Variants in MAK16 observed in about 807,000 individuals in gnomAD.
MAK16 encodes protein MAK16 homolog.
A neutral mutation model predicts 49.9 loss-of-function variants in MAK16; 12 were observed. That is an observed-to-expected ratio of 0.24 (90% CI 0.15 to 0.39). The LOEUF (loss-of-function observed/expected upper bound fraction) is 0.39. Ranked by LOEUF, MAK16 falls within the 10% of genes least tolerant of loss-of-function variation. The pLI is 1.00. For missense variants in MAK16, 292 were observed against 363.7 expected (o/e 0.80, Z 1.60); for synonymous variants, 115 against 126.4 (o/e 0.91, Z 0.60).
At chr8:33,496,590 T>C (rs756980431) in intron 7 of MAK16, 35 bp from the exon 8 acceptor site, 149 of 1,515,686 alleles carry the variant, frequency 9.8e-5, no homozygotes, top group Non-Finnish European at 1.3e-4. Context: ...AATATCCAAA[T>C]GTAGTTAAAG....
chr8:33,485,296 C>T lies in MAK16; in HGVS notation c.15+75C>T, dbSNP rs1453950020. 5 of 1,591,848 alleles carry T rather than the reference C, an allele frequency of 3.1e-6. No individual in the cohort carries two copies. In the East Asian group the frequency reaches 1.1e-4, roughly 36 times the overall value. Reference sequence around the variant, plus strand: ...TGCCCATTTTCGGACACTTAGAAAACGCGTACGCAGCGGGTCTGTTGCCTC... The same window carrying T: ...TGCCCATTTTCGGACACTTAGAAAATGCGTACGCAGCGGGTCTGTTGCCTC... On this transcript the variant is annotated intron_variant, in intron 1 of 9. Coordinates refer to ENST00000360128, the MANE Select transcript of MAK16 (RefSeq NM_032509.4).
At chr8:33,494,262 A>G (rs1376271199) in intron 6 of MAK16, among the ~76,000 whole-genome samples, 2 of 152,174 alleles carry the variant, frequency 1.3e-5, no homozygotes, top group South Asian at 2.1e-4. Flanking sequence ...TTTAGTAGAG[A>G]CGGGGTTTCA....
chr8:33,500,523 C>CT lies in MAK16; in HGVS notation c.*1895dup. On this transcript the variant is annotated 3_prime_UTR_variant, in exon 10 of 10. Coordinates refer to ENST00000360128, the MANE Select transcript of MAK16 (RefSeq NM_032509.4). ...CAGGAAGAAAAGCTATGTTCATACT[C>CT]TAAATCTGGATATTAAAATTGGAAG... 1 of 1,611,568 alleles carries CT rather than the reference C, an allele frequency of 6.2e-7. No homozygotes were observed. The highest frequency in any genetic ancestry group is 1.3e-5 in the African/African-American group (1 of 74,908).
chr8:33,499,319 T>G lies in MAK16; in HGVS notation c.*690T>G. ...AACAGGCTTTGATATTTTTTTTTTT[T>G]TAATTACTTTCCCCTTTTGCTTGAT... On this transcript the variant is annotated 3_prime_UTR_variant, in exon 10 of 10. Transcript: ENST00000360128. 7.2e-7 allele frequency: 1 copy of G among 1,387,266 alleles called. No individual in the cohort carries two copies. Among genetic ancestry groups the G allele is most frequent in the Non-Finnish European group, 1.0e-6 (1 of 975,632 alleles). 85.9% of individuals were successfully genotyped at this position (1,387,266 alleles called of 1,614,324 possible).
intron 9 of MAK16, among the ~76,000 whole-genome samples, chr8:33,498,095 CCAAA>C (rs1808908688): frequency 1.2e-5 from 1 of 84,580 alleles, no homozygotes; most frequent in Non-Finnish European, 2.6e-5. Flanking sequence ...GACTCCGTCT[CCAAA>C]AAAAAAAAAA....
At chr8:33,497,532 G>C (rs936204526) in intron 9 of MAK16, among the ~76,000 whole-genome samples, 6 of 151,534 alleles carry the variant, frequency 4.0e-5, no homozygotes, top group African/African-American at 1.2e-4. Context: ...TCGCTCTGTA[G>C]CTCAGGCTAG....
At chr8:33,495,734 T>G (rs1808848242) in intron 7 of MAK16, 118 bp downstream of exon 7, 1 of 553,850 alleles carries the variant, frequency 1.8e-6, no homozygotes, top group African/African-American at 2.8e-5. Context: ...TTTTTTTTTT[T>G]GAGATGGAGT....
At chr8:33,498,359 A>G (rs1808918880) in intron 9 of MAK16, 73 bp from the exon 10 acceptor site, 2 of 1,314,254 alleles carry the variant, frequency 1.5e-6, no homozygotes, top group Admixed American at 2.0e-5. Context: ...TTCTAGATTG[A>G]GGGGACAAGG....
chr8:33,492,927 G>A (rs1276961245), intron 6 of MAK16, among the ~76,000 whole-genome samples: 1 of 150,702 alleles, frequency 6.6e-6, no homozygotes, highest in Non-Finnish European at 1.5e-5. Flanking sequence ...ATCTTTTGTG[G>A]TTTCATAACA....
At chr8:33,491,449 C>T (rs540409512) in intron 6 of MAK16, among the ~76,000 whole-genome samples, 1 of 152,256 alleles carries the variant, frequency 6.6e-6, no homozygotes, top group African/African-American at 2.4e-5. Flanking sequence ...TTGTTATTGC[C>T]TGTCTTTTAA....
Position 33,499,307 on chromosome 8 carries a change from A to G in MAK16, c.*678A>G, listed in dbSNP as rs79438627. 2.4e-6 allele frequency: 3 copies of G among 1,228,440 alleles called. No individual in the cohort carries two copies. The East Asian group carries it at 8.1e-5, about 33-fold the overall frequency. 76.1% of individuals were successfully genotyped at this position (1,228,440 alleles called of 1,614,324 possible). On this transcript the variant is annotated 3_prime_UTR_variant, in exon 10 of 10. Transcript: ENST00000360128. ...AACATGAAACCAAACAGGCTTTGAT[A>G]TTTTTTTTTTTTTAATTACTTTCCC...
In MAK16 at chr8:33,500,180, T is replaced by G; in HGVS notation, c.*1551T>G. 1.2e-6 allele frequency: 1 copy of G among 805,728 alleles called. No individual in the cohort carries two copies. The highest frequency in any genetic ancestry group is 1.9e-6 in the Non-Finnish European group (1 of 514,428). 49.9% of individuals were successfully genotyped at this position (805,728 alleles called of 1,614,324 possible). A position where few individuals can be genotyped will look rare whatever the true frequency, so the allele number is the denominator to read the frequency against. On this transcript the variant is annotated 3_prime_UTR_variant, in exon 10 of 10. Transcript: ENST00000360128. Reference sequence around the variant, plus strand: ...AATAAGAAAAAAGATCAAGCTCTTTTGAGGCTAGAGGGCTCATATGGAGAT... The same window carrying G: ...AATAAGAAAAAAGATCAAGCTCTTTGGAGGCTAGAGGGCTCATATGGAGAT...
chr8:33,494,827 G>A (rs1306605196), intron 6 of MAK16, among the ~76,000 whole-genome samples: 1 of 151,814 alleles, frequency 6.6e-6, no homozygotes, highest in Non-Finnish European at 1.5e-5. Context: ...TGCCCAGGCT[G>A]GAGTGCAGTG....
rs13439524 is a variant in MAK16 at position 33,500,300 on chromosome 8, A to G, written c.*1671A>G. On this transcript the variant is annotated 3_prime_UTR_variant, in exon 10 of 10. Coordinates refer to ENST00000360128, the MANE Select transcript of MAK16 (RefSeq NM_032509.4). The stretch of plus-strand genomic sequence containing the variant: ...AATTACATAAGGATAATGAGGCCCA[A>G]CTGAAACCAAGTTTCAGTCTGCCTT... 52,946 of 1,613,560 alleles carry G rather than the reference A, an allele frequency of 0.033. 1,798 individuals are homozygous for G. The highest frequency in any genetic ancestry group is 0.18 in the African/African-American group (13,431 of 74,968).
Position 33,485,221 on chromosome 8 carries a change from T to C in MAK16, c.15T>C (p.Asp5=), listed in dbSNP as rs139822887. MQSD[D]VIWDTLGNKQ... is the part of the protein sequence containing the mutation. ...CCGCGGACACCATGCAGTCGGATGA[T>C]GTGAGTCTCCTCCGGTTGTTCTTAC... is the stretch of plus-strand genomic sequence containing the variant. The change falls in exon 1 of 10, where the codon GAT becomes GAC. Residue 5 remains aspartate (D), a splice_region_variant and synonymous_variant. Transcript: ENST00000360128. 3.4e-4 allele frequency: 548 copies of C among 1,614,064 alleles called. 1 individual carries two copies. The highest frequency in any genetic ancestry group is 4.3e-4 in the Non-Finnish European group (506 of 1,180,020).
At chr8:33,486,044 T>C (rs1209268049) in intron 1 of MAK16, among the ~76,000 whole-genome samples, 1 of 151,148 alleles carries the variant, frequency 6.6e-6, no homozygotes, top group Non-Finnish European at 1.5e-5. Flanking sequence ...GTACAAAGAG[T>C]TGAAGATATG....
intron 1 of MAK16, among the ~76,000 whole-genome samples, chr8:33,487,264 G>A (rs1353603292): frequency 6.6e-6 from 1 of 152,180 alleles, no homozygotes; most frequent in Non-Finnish European, 1.5e-5. Context: ...AGTGGCTACT[G>A]TGTGTCAGGA....
chr8:33,494,894 T>C (rs959191139), intron 6 of MAK16, among the ~76,000 whole-genome samples: 5 of 152,118 alleles, frequency 3.3e-5, no homozygotes, highest in Non-Finnish European at 7.4e-5. Flanking sequence ...TTCTCCTGCC[T>C]CAGCCTCCCG....
At chr8:33,495,266 C>T (rs1808839448) in intron 6 of MAK16, among the ~76,000 whole-genome samples, 1 of 152,200 alleles carries the variant, frequency 6.6e-6, no homozygotes, top group Non-Finnish European at 1.5e-5. Flanking sequence ...TGTATATAGA[C>T]TTACATGCTT....
Sources: gnomAD v4.1 joint callset for allele counts (sites outside exome capture counted in the v4.1 genomes callset) on GRCh38, gnomAD v4.1.1 for gene constraint, MANE v1.5 for transcripts, NCBI Gene and HGNC (gene_info 2026-07-23, HGNC 2026-07-21) for gene names.